The following MYBL2 variants were observed in gnomAD, a reference collection of about 807,000 sequenced individuals.
MYBL2 encodes the protein MYB proto-oncogene like 2.
Under a neutral mutation model 79.9 loss-of-function variants are expected in MYBL2, and 28 were observed. The observed-to-expected ratio is 0.35, with a 90% CI of 0.26 to 0.48. The LOEUF (loss-of-function observed/expected upper bound fraction) is 0.48, where lower values mean the gene tolerates loss of function less well. Ranked by LOEUF, MYBL2 falls within the 20% of genes least tolerant of loss-of-function variation. MYBL2 has a pLI of 0.99. For missense variants in MYBL2, 735 were observed against 893.9 expected (o/e 0.82, Z 2.27); for synonymous variants, 378 against 361.2 (o/e 1.05, Z -0.53).
intron 6 of MYBL2, among the ~76,000 whole-genome samples, chr20:43,694,182 A>G (rs1415870113): frequency 6.6e-6 from 1 of 151,818 alleles, no homozygotes; most frequent in African/African-American, 2.4e-5. Context: ...AGTACAAAAA[A>G]TTAGCTGGGC....
chr20:43,690,795 G>T (rs1010480313), intron 5 of MYBL2, among the ~76,000 whole-genome samples: 45 of 152,088 alleles, frequency 3.0e-4, no homozygotes, highest in Non-Finnish European at 4.7e-4. Context: ...TGTTGGCCAG[G>T]CTGGTCTTGA....
At chr20:43,687,942 G>A (rs285187) in intron 5 of MYBL2, among the ~76,000 whole-genome samples, 121,577 of 148,578 alleles carry the variant, frequency 0.82, 50,238 homozygotes, top group Non-Finnish European at 0.88. Flanking sequence ...AACCCAGGAG[G>A]CAGAGGTTGC....
At chr20:43,712,103 G>A (rs1987921417) in intron 11 of MYBL2, among the ~76,000 whole-genome samples, 1 of 151,846 alleles carries the variant, frequency 6.6e-6, no homozygotes, top group Admixed American at 6.5e-5. Context: ...TGGGGGAGTG[G>A]GTTCAGGTGA....
At chr20:43,715,386 GC>G in intron 13 of MYBL2, 103 bp downstream of exon 13, 1 of 1,549,880 alleles carries the variant, frequency 6.5e-7, no homozygotes, top group Non-Finnish European at 8.7e-7. Flanking sequence ...CGCCTTCTTA[GC>G]TCAGGGCCTT....
chr20:43,668,261 C>T (rs111884878), intron 1 of MYBL2, among the ~76,000 whole-genome samples: 4,261 of 141,622 alleles, frequency 0.03, 215 homozygotes, highest in African/African-American at 0.097. Context: ...AGTGCAGTGG[C>T]GCGATCTTGG....
At chr20:43,712,975 A>G (rs1310859685) in intron 11 of MYBL2, 27 bp from the exon 12 acceptor site, 1 of 1,564,632 alleles carries the variant, frequency 6.4e-7, no homozygotes, top group East Asian at 2.3e-5. Context: ...CACTCACCCT[A>G]ACCCCCTTCT....
intron 12 of MYBL2, 94 bp from the exon 13 acceptor site, chr20:43,715,040 C>CAGGT (rs1568884109): frequency 6.9e-7 from 1 of 1,445,048 alleles, no homozygotes; most frequent in Non-Finnish European, 9.6e-7. Flanking sequence ...TCTCAGCAGC[C>CAGGT]AGGTGGTGGT....
intron 2 of MYBL2, among the ~76,000 whole-genome samples, chr20:43,679,191 A>AT (rs780624989): frequency 5.9e-5 from 9 of 152,106 alleles, no homozygotes; most frequent in Non-Finnish European, 1.2e-4. Flanking sequence ...CACCCAGAGA[A>AT]TTTATGGTGA....
At chr20:43,680,306 G>A (rs990472235) in intron 2 of MYBL2, among the ~76,000 whole-genome samples, 32 of 152,264 alleles carry the variant, frequency 2.1e-4, no homozygotes, top group African/African-American at 7.5e-4. Context: ...GGGGTTAAAG[G>A]CATGAGCCAC....
chr20:43,672,427 CAAAAA>C (rs3091561), intron 1 of MYBL2, among the ~76,000 whole-genome samples: 2 of 144,932 alleles, frequency 1.4e-5, no homozygotes, highest in African/African-American at 5.1e-5. Context: ...CCTGTCATTA[CAAAAA>C]AAAAAAAAAT....
chr20:43,681,938 G>A (rs1987154381), intron 3 of MYBL2, 83 bp downstream of exon 3: 1 of 1,438,862 alleles, frequency 6.9e-7, no homozygotes, highest in South Asian at 1.2e-5. Flanking sequence ...TGCCAAGGAG[G>A]GGAAAAGGGA....
At chr20:43,674,230 C>CCCG (rs1568846633) in intron 2 of MYBL2, among the ~76,000 whole-genome samples, 1 of 113,162 alleles carries the variant, frequency 8.8e-6, no homozygotes, top group African/African-American at 3.1e-5. Context: ...TAACTCCCCC[C>CCCG]ACCCTTTTTT....
intron 2 of MYBL2, among the ~76,000 whole-genome samples, chr20:43,676,705 T>A (rs1433655275): frequency 6.6e-6 from 1 of 152,206 alleles, no homozygotes; most frequent in African/African-American, 2.4e-5. Flanking sequence ...TAGGTGTATG[T>A]TTAGTTTTAC....
At chr20:43,695,098 ATC>A (rs1337288001) in intron 6 of MYBL2, among the ~76,000 whole-genome samples, 2 of 149,124 alleles carry the variant, frequency 1.3e-5, no homozygotes, top group Non-Finnish European at 3.0e-5. Flanking sequence ...CAGTGGTGCC[ATC>A]TCTGCTTGCT....
At chr20:43,694,240 G>A (rs1473357106) in intron 6 of MYBL2, among the ~76,000 whole-genome samples, 1 of 151,294 alleles carries the variant, frequency 6.6e-6, no homozygotes, top group Non-Finnish European at 1.5e-5. Context: ...GCTGAGGCAG[G>A]AGAATGGCGT....
intron 2 of MYBL2, 36 bp from the exon 3 acceptor site, chr20:43,681,748 A>G (rs1568853270): frequency 1.2e-6 from 2 of 1,606,902 alleles, no homozygotes; most frequent in African/African-American, 1.3e-5. Context: ...TTCTGCACGT[A>G]TGTGTGCTGA....
In MYBL2 at chr20:43,674,229, C is replaced by CCG. The variant is rs1219841131; in HGVS notation, c.114+331_114+332insGC. Among the ~76,000 whole-genome samples, 12 of 113,770 alleles carry CCG rather than the reference C, an allele frequency of 1.1e-4. 1 individual carries two copies. The highest frequency in any genetic ancestry group is 7.1e-4 in the Admixed American group (8 of 11,272). The allele number at this position is 113,770 out of a possible 152,430, so 74.6% of individuals were successfully genotyped here. ...GGTTTGGCCAAATCTGTAACTCCCC[C>CCG]CACCCTTTTTTTTTTTTTTTTTTTG... is the stretch of plus-strand genomic sequence containing the variant. On this transcript the variant is annotated intron_variant, in intron 2 of 13. Transcript: ENST00000217026.
intron 2 of MYBL2, among the ~76,000 whole-genome samples, chr20:43,676,961 G>A (rs932724478): frequency 6.6e-6 from 1 of 151,958 alleles, no homozygotes; most frequent in Non-Finnish European, 1.5e-5. Context: ...TGTTGCCCAG[G>A]CTGGTCTCCT....
At chr20:43,705,173 C>A in intron 8 of MYBL2, 46 bp from the exon 9 acceptor site, 1 of 1,604,366 alleles carries the variant, frequency 6.2e-7, no homozygotes, top group Non-Finnish European at 8.5e-7. Context: ...CAGGGATACT[C>A]ATGCAGGTCA....
Sources: gnomAD v4.1 joint callset for allele counts (sites outside exome capture counted in the v4.1 genomes callset) on GRCh38, gnomAD v4.1.1 for gene constraint, MANE v1.5 for transcripts, NCBI Gene and HGNC (gene_info 2026-07-23, HGNC 2026-07-21) for gene names.